Variants in ZNF385D observed in about 807,000 individuals in gnomAD.
ZNF385D encodes zinc finger protein 659.
A neutral mutation model predicts 35.8 loss-of-function variants in ZNF385D; 15 were observed. The observed-to-expected ratio is 0.42, with a 90% CI of 0.28 to 0.64. The LOEUF (loss-of-function observed/expected upper bound fraction) is 0.64, where lower values mean the gene tolerates loss of function less well. Ranked by LOEUF, ZNF385D falls within the 30% of genes least tolerant of loss-of-function variation. ZNF385D has a pLI of 0.23. For synonymous variants in ZNF385D, 212 were observed against 186.8 expected (o/e 1.13, Z -1.10); for missense variants, 474 against 494.6 (o/e 0.96, Z 0.39).
intron 3 of ZNF385D, among the ~76,000 whole-genome samples, chr3:22,122,971 G>C (rs1017290846): frequency 1.3e-5 from 2 of 152,144 alleles, no homozygotes; most frequent in Admixed American, 1.3e-4. Flanking sequence ...ATCATATAGG[G>C]CTTTGGAGGC....
chr3:22,290,631 T>C lies in ZNF385D; in HGVS notation c.106+81819A>G, dbSNP rs116154064. Among the ~76,000 whole-genome samples the C allele has an allele frequency of 7.0e-3, 1,059 of 152,318 alleles. 4 individuals carry two copies. The highest frequency in any genetic ancestry group is 0.01 in the African/African-American group (421 of 41,584). ...CTTCTTGTTCTGTCTGCCATGTTTC[T>C]GAGGGGCCTAGATGTTTCTTGGTCT... On this transcript the variant is annotated intron_variant, in intron 2 of 5. Coordinates refer to the ZNF385D transcript ENST00000494108.
At chr3:21,868,190 T>G (rs1697479594) in intron 3 of ZNF385D, among the ~76,000 whole-genome samples, 1 of 152,116 alleles carries the variant, frequency 6.6e-6, no homozygotes. Flanking sequence ...CACGATGCAG[T>G]CTCTGTTGCA....
intron 3 of ZNF385D, among the ~76,000 whole-genome samples, chr3:21,812,718 C>T (rs1334997763): frequency 6.6e-6 from 1 of 152,216 alleles, no homozygotes; most frequent in Non-Finnish European, 1.5e-5. Flanking sequence ...TGCGTGGAGC[C>T]CACCACAGCT....
chr3:22,204,173 C>T lies in ZNF385D; in HGVS notation c.107-35138G>A, dbSNP rs537969398. Among the ~76,000 whole-genome samples the T allele has an allele frequency of 3.9e-5, 6 of 152,080 alleles. No homozygotes were observed. In the East Asian group the frequency reaches 7.8e-4, roughly 20 times the overall value. ...TCTGTTTCCTCTCTGTTTGGAAGAA[C>T]GTAAGGGAAGATAACAAGAGTTTCT... On this transcript the variant is annotated intron_variant, in intron 2 of 5. Coordinates refer to the ZNF385D transcript ENST00000494108.
intron 3 of ZNF385D, among the ~76,000 whole-genome samples, chr3:21,760,720 T>C (rs2070567044): frequency 6.6e-6 from 1 of 152,176 alleles, no homozygotes; most frequent in African/African-American, 2.4e-5. Flanking sequence ...ATACAATTCA[T>C]AAGAAATCTG....
intron 2 of ZNF385D, among the ~76,000 whole-genome samples, chr3:22,179,680 T>C (rs2125776506): frequency 6.6e-6 from 1 of 152,328 alleles, no homozygotes; most frequent in Non-Finnish European, 1.5e-5. Flanking sequence ...TGAAAGGGAA[T>C]GGTTCCAGTT....
At chr3:22,069,242 G>T (rs1700115146) in intron 3 of ZNF385D, among the ~76,000 whole-genome samples, 1 of 152,196 alleles carries the variant, frequency 6.6e-6, no homozygotes, top group South Asian at 2.1e-4. Flanking sequence ...GACTGGCTCA[G>T]GGTGATGATG....
intron 3 of ZNF385D, among the ~76,000 whole-genome samples, chr3:21,974,435 A>G (rs972755049): frequency 6.6e-6 from 1 of 152,154 alleles, no homozygotes; most frequent in Non-Finnish European, 1.5e-5. Flanking sequence ...AAAATGGATT[A>G]AACACTTAAA....
At chr3:22,121,858 A>G (rs1276328379) in intron 3 of ZNF385D, among the ~76,000 whole-genome samples, 1 of 152,014 alleles carries the variant, frequency 6.6e-6, no homozygotes, top group Non-Finnish European at 1.5e-5. Context: ...TTCTCACTGT[A>G]TATATTCCCT....
intron 3 of ZNF385D, among the ~76,000 whole-genome samples, chr3:22,073,290 T>C (rs965327260): frequency 2.0e-5 from 3 of 151,024 alleles, no homozygotes; most frequent in African/African-American, 7.3e-5. Flanking sequence ...TAAATTACTT[T>C]AGGTTAAAAT....
chr3:21,939,099 G>A (rs767117234), intron 3 of ZNF385D, among the ~76,000 whole-genome samples: 3 of 152,030 alleles, frequency 2.0e-5, no homozygotes, highest in Admixed American at 6.6e-5. Flanking sequence ...TAAAAATGTC[G>A]GTAAAGACAA....
intron 2 of ZNF385D, among the ~76,000 whole-genome samples, chr3:22,224,245 A>G (rs1576522881): frequency 6.6e-6 from 1 of 152,192 alleles, no homozygotes; most frequent in Non-Finnish European, 1.5e-5. Context: ...ATGAAAAGAG[A>G]TATAATTAAA....
intron 1 of ZNF385D, among the ~76,000 whole-genome samples, chr3:21,710,328 A>G (rs2068054423): frequency 6.6e-6 from 1 of 152,208 alleles, no homozygotes; most frequent in South Asian, 2.1e-4. Flanking sequence ...TTTTTAGTAA[A>G]TTGGCTCTGC....
chr3:21,532,767 A>G (rs892847506), intron 3 of ZNF385D, among the ~76,000 whole-genome samples: 1 of 151,930 alleles, frequency 6.6e-6, no homozygotes, highest in African/African-American at 2.4e-5. Flanking sequence ...ATTTTAGCAT[A>G]TATAGAGTTC....
intron 2 of ZNF385D, among the ~76,000 whole-genome samples, chr3:22,206,551 A>AG (rs761913968): frequency 1.3e-5 from 2 of 151,928 alleles, no homozygotes; most frequent in Non-Finnish European, 2.9e-5. Flanking sequence ...TAAAACATCC[A>AG]GAAAAAAAAG....
chr3:22,253,236 T>C (rs968350426), intron 2 of ZNF385D, among the ~76,000 whole-genome samples: 1 of 151,958 alleles, frequency 6.6e-6, no homozygotes, highest in Admixed American at 6.6e-5. Flanking sequence ...GTTCAGAAGG[T>C]TCTAAACGGA....
chr3:21,684,416 TCTCTCTCTCTCTCTC>T, intron 1 of ZNF385D, among the ~76,000 whole-genome samples: 1 of 121,374 alleles, frequency 8.2e-6, no homozygotes, highest in Non-Finnish European at 1.8e-5. Context: ...TCTCTCTCTC[TCTCTCTCTCTCTCTC>T]CTCTCTCTCT....
intron 3 of ZNF385D, among the ~76,000 whole-genome samples, chr3:22,049,963 C>G (rs1399925948): frequency 6.6e-6 from 1 of 152,022 alleles, no homozygotes; most frequent in Non-Finnish European, 1.5e-5. Flanking sequence ...GTTTTCTTTC[C>G]TTGTAAAATG....
intron 2 of ZNF385D, among the ~76,000 whole-genome samples, chr3:22,271,078 C>T (rs971350449): frequency 1.3e-5 from 2 of 151,968 alleles, no homozygotes. Flanking sequence ...CTGGAACACT[C>T]ACTATCTTGA....
Sources: gnomAD v4.1 joint callset for allele counts (sites outside exome capture counted in the v4.1 genomes callset) on GRCh38, gnomAD v4.1.1 for gene constraint, MANE v1.5 for transcripts, NCBI Gene and HGNC (gene_info 2026-07-23, HGNC 2026-07-21) for gene names.